Variants in PYGB observed in about 807,000 individuals in gnomAD.
PYGB encodes the protein glycogen phosphorylase, brain form.
In PYGB, 82 loss-of-function variants were observed where a neutral mutation model predicts 94.3. That is an observed-to-expected ratio of 0.87 (90% confidence interval 0.73 to 1.04). PYGB has a LOEUF of 1.04. Among genes scored for constraint, PYGB ranks in the 50% least tolerant of loss-of-function variants. The probability of loss-of-function intolerance (pLI) is 0.00; values close to 1 mark genes in which losing one functional copy is unlikely to be tolerated. For synonymous variants in PYGB, 488 were observed against 479.1 expected (o/e 1.02, Z -0.24); for missense variants, 1,132 against 1,158.2 (o/e 0.98, Z 0.33).
intron 17 of PYGB, 62 bp downstream of exon 17, chr20:25,292,675 T>A: frequency 1.3e-6 from 2 of 1,546,978 alleles, no homozygotes; most frequent in Non-Finnish European, 1.7e-6. Context: ...GGTGTTGGGC[T>A]GGGGGCATTG....
At chr20:25,295,141 T>C (rs2088520532) in intron 18 of PYGB, 5 of 1,138,402 alleles carry the variant, frequency 4.4e-6, no homozygotes, top group Non-Finnish European at 4.0e-6. Flanking sequence ...CTGGCATTTT[T>C]GTTCAGCACA....
At chr20:25,268,892 A>G (rs1196651038) in intron 2 of PYGB, among the ~76,000 whole-genome samples, 1 of 152,250 alleles carries the variant, frequency 6.6e-6, no homozygotes, top group Middle Eastern at 3.2e-3. Context: ...GATACATGTT[A>G]TAATTTGTTC....
Position 25,295,622 on chromosome 20 carries a change from C to T in PYGB, c.2331C>T (p.Asp777=), listed in dbSNP as rs1210487683. Residue 777 remains aspartate, a synonymous_variant, in exon 19 of 20, where the codon GAC becomes GAT. Coordinates refer to ENST00000216962, the MANE Select transcript of PYGB (RefSeq NM_002862.4). The part of the protein sequence containing the change: ...MHHDRFKVFA[D]YEAYMQCQAQ... ...ATTCCAGGTTCAAGGTGTTTGCAGA[C>T]TATGAAGCCTACATGCAGTGCCAGG... is the stretch of plus-strand genomic sequence containing the variant. The T allele has an allele frequency of 6.2e-7, 1 of 1,613,902 alleles. No individual in the cohort carries two copies. Among genetic ancestry groups the T allele is most frequent in the Non-Finnish European group, 8.5e-7 (1 of 1,179,972 alleles).
Position 25,277,237 on chromosome 20 carries a change from T to C in PYGB, c.773-7T>C. On this transcript the variant is annotated splice_polypyrimidine_tract_variant and splice_region_variant and intron_variant, in intron 6 of 19. Coordinates refer to ENST00000216962, the MANE Select transcript of PYGB (RefSeq NM_002862.4). ...GTGTGTGTTGACCCCGCTCCATTTCTTCTTAGTCAACGTGGGAGACTACAT... is the reference window on the plus strand; with the variant it reads ...GTGTGTGTTGACCCCGCTCCATTTCCTCTTAGTCAACGTGGGAGACTACAT... 2 of 1,550,800 alleles carry C rather than the reference T, an allele frequency of 1.3e-6. No individual in the cohort carries two copies. Among genetic ancestry groups the C allele is most frequent in the Non-Finnish European group, 1.8e-6 (2 of 1,122,402 alleles).
At position 25,277,250 on chromosome 20, in the gene PYGB, T is replaced by C. The variant is rs771443399; in HGVS notation, c.779T>C (p.Val260Ala). ...PNDFKLQDFN[V>A]GDYIEAVLDR... ...CCGCTCCATTTCTTCTTAGTCAACGTGGGAGACTACATCGAGGCGGTCCTG... is the reference window on the plus strand; with the variant it reads ...CCGCTCCATTTCTTCTTAGTCAACGCGGGAGACTACATCGAGGCGGTCCTG... Residue 260 changes from valine (V) to alanine (A), a missense_variant, in exon 7 of 20, where the codon GTG becomes GCG. Val to Ala is a moderately conservative substitution (Grantham distance 64). Transcript: ENST00000216962. 2.6e-6 allele frequency: 4 copies of C among 1,564,334 alleles called. No individual in the cohort carries two copies. The Admixed American group carries it at 6.7e-5, about 26-fold the overall frequency.
Position 25,294,144 on chromosome 20 carries a change from C to T in PYGB, c.2178-14C>T, listed in dbSNP as rs1341334174. 6.2e-7 allele frequency: 1 copy of T among 1,612,700 alleles called. No homozygotes were observed. ...GGGGCGCTGGCTGCTGACTCCTGGC[C>T]CATCGCCTCACAGGTACAATGCCAG... On this transcript the variant is annotated splice_polypyrimidine_tract_variant and intron_variant, in intron 17 of 19. Coordinates refer to ENST00000216962, the MANE Select transcript of PYGB (RefSeq NM_002862.4).
intron 2 of PYGB, among the ~76,000 whole-genome samples, chr20:25,268,167 C>CGCCCCT (rs1555806071): frequency 1.1e-5 from 1 of 94,922 alleles, no homozygotes; most frequent in Non-Finnish European, 2.1e-5. Context: ...ACCCGCCCCC[C>CGCCCCT]CCCCATATCC....
rs115525432 is a variant in PYGB at position 25,279,196 on chromosome 20, G to A, written c.1092+47G>A. The stretch of plus-strand genomic sequence containing the variant: ...GGCACCTCCCCAGAGCCTGGAGCCC[G>A]TGCAGACCAGGGCTACAAGGAGCTG... On this transcript the variant is annotated intron_variant, in intron 9 of 19. Coordinates refer to ENST00000216962, the MANE Select transcript of PYGB (RefSeq NM_002862.4). 7.9e-3 allele frequency: 12,386 copies of A among 1,572,348 alleles called. 549 individuals carry two copies. The African/African-American group carries it at 0.12, about 16-fold the overall frequency.
In PYGB at chr20:25,277,226, C is replaced by A; in HGVS notation, c.773-18C>A. 6.5e-7 allele frequency: 1 copy of A among 1,535,670 alleles called. No individual in the cohort carries two copies. Among genetic ancestry groups the A allele is most frequent in the Non-Finnish European group, 9.0e-7 (1 of 1,108,596 alleles). ...CCAGGAGGCATGTGTGTGTTGACCCCGCTCCATTTCTTCTTAGTCAACGTG... is the reference window on the plus strand; with the variant it reads ...CCAGGAGGCATGTGTGTGTTGACCCAGCTCCATTTCTTCTTAGTCAACGTG... On this transcript the variant is annotated intron_variant, in intron 6 of 19. Coordinates refer to ENST00000216962, the MANE Select transcript of PYGB (RefSeq NM_002862.4).
intron 3 of PYGB, 51 bp downstream of exon 3, chr20:25,269,258 G>A: frequency 1.4e-6 from 2 of 1,465,856 alleles, no homozygotes; most frequent in Non-Finnish European, 1.9e-6. Context: ...GGCTTGGTTG[G>A]AGGCCACGTG....
intron 14 of PYGB, among the ~76,000 whole-genome samples, chr20:25,286,588 C>T (rs1196663908): frequency 1.3e-5 from 2 of 152,128 alleles, no homozygotes; most frequent in African/African-American, 4.8e-5. Context: ...ATAGGCTTCT[C>T]AGCCCTCCAA....
intron 1 of PYGB, among the ~76,000 whole-genome samples, chr20:25,257,713 G>C (rs937613082): frequency 2.6e-4 from 40 of 152,120 alleles, no homozygotes; most frequent in African/African-American, 8.9e-4. Context: ...AAACATTCTG[G>C]TCATGTTCCT....
chr20:25,288,469 A>C lies in PYGB; in HGVS notation c.1813A>C (p.Met605Leu), dbSNP rs201995834. The C allele has an allele frequency of 9.5e-5, 154 of 1,613,674 alleles. No homozygotes were observed. The highest frequency in any genetic ancestry group is 1.2e-4 in the Non-Finnish European group (147 of 1,179,936). The change falls in exon 15 of 20, where the codon ATG becomes CTG. Residue 605 changes from methionine (M) to leucine (L), a missense_variant. Met to Leu is a conservative substitution (Grantham distance 15, BLOSUM62 2). Coordinates refer to ENST00000216962, the MANE Select transcript of PYGB (RefSeq NM_002862.4). ...PAKAFVPRTV[M>L]IGGKAAPGYH... ...CAAGGCTTTTGTGCCCAGGACTGTTATGATTGGGGGCAAGGTGAGTGACTT... is the reference window on the plus strand; with the variant it reads ...CAAGGCTTTTGTGCCCAGGACTGTTCTGATTGGGGGCAAGGTGAGTGACTT...
intron 5 of PYGB, among the ~76,000 whole-genome samples, chr20:25,276,104 A>G (rs1217443455): frequency 6.6e-6 from 1 of 152,076 alleles, no homozygotes. Context: ...AGAGGGAGCC[A>G]GGCTGGGGTG....
At chr20:25,259,106 G>A (rs756844350) in intron 1 of PYGB, 131 bp from the exon 2 acceptor site, 247 of 834,206 alleles carry the variant, frequency 3.0e-4, no homozygotes, top group Middle Eastern at 4.7e-4. Flanking sequence ...AGCAAGCCCA[G>A]TTTTTGTGCA....
At chr20:25,265,843 C>T (rs2088213375) in intron 2 of PYGB, among the ~76,000 whole-genome samples, 1 of 152,170 alleles carries the variant, frequency 6.6e-6, no homozygotes, top group South Asian at 2.1e-4. Flanking sequence ...GATCCACCCG[C>T]CTTGGCCTTC....
intron 1 of PYGB, among the ~76,000 whole-genome samples, chr20:25,250,137 A>G (rs2092883476): frequency 1.3e-5 from 2 of 152,124 alleles, no homozygotes; most frequent in South Asian, 2.1e-4. Context: ...GCGTGAGCCA[A>G]CGCACCCGAC....
chr20:25,276,845 G>A (rs1268335338), intron 6 of PYGB, 88 bp downstream of exon 6: 2 of 1,287,908 alleles, frequency 1.6e-6, no homozygotes, highest in East Asian at 2.5e-5. Context: ...GCGCCCTGTG[G>A]CTCACTGTCC....
chr20:25,269,342 T>C (rs2088245948), intron 3 of PYGB, 135 bp downstream of exon 3: 5 of 626,632 alleles, frequency 8.0e-6, no homozygotes, highest in South Asian at 4.3e-5. Flanking sequence ...GTTCTTCAGA[T>C]TGAAATCTTG....
Sources: allele counts gnomAD v4.1 joint callset (sites outside exome capture counted in the v4.1 genomes callset), GRCh38; gene constraint gnomAD v4.1.1; transcripts MANE v1.5; gene names NCBI Gene and HGNC (gene_info 2026-07-23, HGNC 2026-07-21).